Variants in ANKS1B observed in about 807,000 individuals in gnomAD.
The protein encoded by ANKS1B is ankyrin repeat and sterile alpha motif domain-containing protein 1B.
A neutral mutation model predicts 148.3 loss-of-function variants in ANKS1B; 36 were observed. The ratio of observed to expected loss-of-function variants is 0.24; its 90% CI spans 0.19 to 0.32. The LOEUF (loss-of-function observed/expected upper bound fraction) is 0.32. Ranked by LOEUF, ANKS1B falls within the 10% of genes least tolerant of loss-of-function variation. The pLI is 1.00. For missense variants in ANKS1B, 1,157 were observed against 1,542.6 expected (o/e 0.75, Z 4.19); for synonymous variants, 542 against 560.8 (o/e 0.97, Z 0.47).
intron 9 of ANKS1B, among the ~76,000 whole-genome samples, chr12:99,548,798 A>G (rs559350220): frequency 1.3e-5 from 2 of 152,322 alleles, no homozygotes; most frequent in South Asian, 4.1e-4. Context: ...ATTAGCTCCT[A>G]TATATCTTAG....
At chr12:99,691,067 T>C (rs555427495) in intron 8 of ANKS1B, among the ~76,000 whole-genome samples, 58 of 152,358 alleles carry the variant, frequency 3.8e-4, no homozygotes, top group Non-Finnish European at 7.1e-4. Flanking sequence ...CACCAAGGCT[T>C]GGGGCTTGCA....
chr12:99,115,432 C>T (rs7970246), intron 15 of ANKS1B, among the ~76,000 whole-genome samples: 14,492 of 152,074 alleles, frequency 0.095, 1,664 homozygotes, highest in African/African-American at 0.27. Flanking sequence ...AACTCATGAA[C>T]ACAAAGAAGA....
In ANKS1B at chr12:99,806,632, G is replaced by A. The variant is rs1207457870; in HGVS notation, c.441C>T (p.Leu147=). Residue 147 remains leucine (L), a synonymous_variant, in exon 4 of 27, where the codon CTC becomes CTT. Transcript: ENST00000683438. ...TTGTCGGGTCAGTGAGCTCTTCTAG[G>A]AGAACAGCAACTACTTCTGAGTGTC... ...QYGHSEVVAV[L]LEELTDPTIR... 9 of 1,613,934 alleles carry A rather than the reference G, an allele frequency of 5.6e-6. No individual in the cohort carries two copies. Among genetic ancestry groups the A allele is most frequent in the Middle Eastern group, 3.3e-4 (2 of 6,062 alleles).
At chr12:99,055,382 G>A (rs889844299) in intron 16 of ANKS1B, among the ~76,000 whole-genome samples, 2 of 152,220 alleles carry the variant, frequency 1.3e-5, no homozygotes, top group Non-Finnish European at 2.9e-5. Flanking sequence ...CACTCCAGCA[G>A]CAGATACTCG....
At chr12:99,454,546 C>T (rs2095814872) in intron 10 of ANKS1B, among the ~76,000 whole-genome samples, 1 of 152,186 alleles carries the variant, frequency 6.6e-6, no homozygotes, top group East Asian at 1.9e-4. Context: ...GTGCAATGAA[C>T]AGATGGTTGG....
At chr12:99,117,711 T>C (rs2061741015) in intron 15 of ANKS1B, among the ~76,000 whole-genome samples, 1 of 152,226 alleles carries the variant, frequency 6.6e-6, no homozygotes, top group African/African-American at 2.4e-5. Flanking sequence ...GCTGGCCTCA[T>C]AAAATGAGTT....
chr12:99,263,086 G>A (rs985303668), intron 12 of ANKS1B, among the ~76,000 whole-genome samples: 8 of 151,868 alleles, frequency 5.3e-5, no homozygotes, highest in Non-Finnish European at 2.9e-5. Context: ...ATACTCTGGG[G>A]TATTATGGTA....
chr12:98,751,596 T>C lies in ANKS1B; in HGVS notation c.3580-74A>G. The C allele has an allele frequency of 2.1e-6, 3 of 1,420,246 alleles. No homozygotes were observed. The highest frequency in any genetic ancestry group is 2.9e-6 in the Non-Finnish European group (3 of 1,021,602). The allele number at this position is 1,420,246 out of a possible 1,614,324, so 88.0% of individuals were successfully genotyped here. On this transcript the variant is annotated intron_variant, in intron 25 of 26. Transcript: ENST00000683438. This position sits in a 1 kb window ranked among gnomAD's most constrained non-coding sequence, Gnocchi z 4.3. Reference sequence around the variant, plus strand: ...AATGGGTCGAATGGCTGAGGAACACTGAGGGAGGTGAACTAGGGAGGAACT... The same window carrying C: ...AATGGGTCGAATGGCTGAGGAACACCGAGGGAGGTGAACTAGGGAGGAACT...
At chr12:99,235,419 A>T (rs2153956859) in intron 14 of ANKS1B, among the ~76,000 whole-genome samples, 1 of 152,238 alleles carries the variant, frequency 6.6e-6, no homozygotes, top group East Asian at 1.9e-4. Flanking sequence ...CGGGGCAGCC[A>T]CTCTATCTTT....
intron 17 of ANKS1B, among the ~76,000 whole-genome samples, chr12:98,934,735 AT>A (rs776555063): frequency 6.6e-6 from 1 of 151,730 alleles, no homozygotes; most frequent in Non-Finnish European, 1.5e-5. Flanking sequence ...TGTAAATAGA[AT>A]TTTTTTCCTA....
At chr12:99,741,242 C>CACACACACACACAT (rs2060079134) in intron 8 of ANKS1B, among the ~76,000 whole-genome samples, 1 of 146,604 alleles carries the variant, frequency 6.8e-6, no homozygotes, top group African/African-American at 2.5e-5. Flanking sequence ...CACACACACA[C>CACACACACACACAT]ACATCAGGAA....
intron 8 of ANKS1B, among the ~76,000 whole-genome samples, chr12:99,770,689 C>T (rs563325154): frequency 6.6e-6 from 1 of 151,554 alleles, no homozygotes; most frequent in East Asian, 1.9e-4. Context: ...AAAAAAAAAA[C>T]CAAAATTCTT....
intron 17 of ANKS1B, among the ~76,000 whole-genome samples, chr12:99,005,053 G>T (rs764442124): frequency 4.6e-5 from 7 of 152,200 alleles, no homozygotes; most frequent in Non-Finnish European, 8.8e-5. Context: ...TTCCCACGGA[G>T]TAAAATATTC....
intron 19 of ANKS1B, among the ~76,000 whole-genome samples, chr12:98,828,332 T>C (rs2099267313): frequency 6.6e-6 from 1 of 152,158 alleles, no homozygotes; most frequent in Admixed American, 6.5e-5. Context: ...GAAAAATATT[T>C]AACAACCAAG....
rs553538411 is a variant in ANKS1B at position 99,130,134 on chromosome 12, A to G, written c.2526+24155T>C. ...TGATCTTTGCCATTTGCCATGGTACAATGTGTTTAAATGGCACATCAAGGT... is the reference window on the plus strand; with the variant it reads ...TGATCTTTGCCATTTGCCATGGTACGATGTGTTTAAATGGCACATCAAGGT... On this transcript the variant is annotated intron_variant, in intron 15 of 26. Transcript: ENST00000683438. Among the ~76,000 whole-genome samples, 22 of 152,246 alleles carry G rather than the reference A, an allele frequency of 1.4e-4. No individual in the cohort carries two copies. In the South Asian group the frequency reaches 4.3e-3, roughly 30 times the overall value.
intron 20 of ANKS1B, among the ~76,000 whole-genome samples, chr12:98,802,432 A>C (rs1029920487): frequency 6.6e-6 from 1 of 152,086 alleles, no homozygotes; most frequent in African/African-American, 2.4e-5. Context: ...CAAAAGATTA[A>C]GAACCACAGT....
At chr12:99,143,207 A>C (rs945268540) in intron 15 of ANKS1B, among the ~76,000 whole-genome samples, 3 of 152,116 alleles carry the variant, frequency 2.0e-5, no homozygotes, top group Non-Finnish European at 4.4e-5. Flanking sequence ...AGAGAAGGTA[A>C]AAGTATAACA....
intron 14 of ANKS1B, among the ~76,000 whole-genome samples, chr12:99,190,660 AC>A (rs1161149336): frequency 2.6e-5 from 4 of 152,186 alleles, no homozygotes; most frequent in African/African-American, 9.6e-5. Flanking sequence ...CTGAAACTGC[AC>A]CCCCTTCCTT....
At chr12:99,948,771 C>T (rs749055770) in intron 1 of ANKS1B, among the ~76,000 whole-genome samples, 2 of 152,166 alleles carry the variant, frequency 1.3e-5, no homozygotes, top group Non-Finnish European at 2.9e-5. Context: ...AGGAAACAGG[C>T]AAACTGGAGA....
Sources: allele counts gnomAD v4.1 joint callset (sites outside exome capture counted in the v4.1 genomes callset), GRCh38; gene constraint gnomAD v4.1.1; non-coding constraint Gnocchi (gnomAD v3.1); transcripts MANE v1.5; gene names NCBI Gene and HGNC (gene_info 2026-07-23, HGNC 2026-07-21).